JCAD: variants seen among roughly 807,000 people sequenced by gnomAD.
JCAD encodes junctional cadherin 5 associated, also known as junctional cadherin 5-associated protein.
Under a neutral mutation model 98.0 loss-of-function variants are expected in JCAD, and 40 were observed. The ratio of observed to expected loss-of-function variants is 0.41; its 90% confidence interval spans 0.32 to 0.53. JCAD has a LOEUF of 0.53. Ranked by LOEUF, JCAD falls within the 20% of genes least tolerant of loss-of-function variation. The pLI is 0.31. For missense variants in JCAD, 1,705 were observed against 1,738.1 expected, an observed-to-expected ratio of 0.98 and a Z score of 0.34; for synonymous variants, 691 against 682.3, an observed-to-expected ratio of 1.01 and a Z score of -0.20.
At chr10:30,095,527 G>A (rs531825927) in intron 1 of JCAD, among the ~76,000 whole-genome samples, 3 of 152,278 alleles carry the variant, frequency 2.0e-5, no homozygotes, top group Admixed American at 6.5e-5. Context: ...CTCCCCGTTC[G>A]ACCTGCTCTG....
intron 1 of JCAD, among the ~76,000 whole-genome samples, chr10:30,093,507 A>G (rs187673496): frequency 6.6e-6 from 1 of 152,390 alleles, no homozygotes; most frequent in African/African-American, 2.4e-5. Flanking sequence ...GCAGGACTGC[A>G]GAACAAACTG....
intron 1 of JCAD, among the ~76,000 whole-genome samples, chr10:30,051,960 A>G (rs1837480055): frequency 6.6e-6 from 1 of 152,254 alleles, no homozygotes; most frequent in Non-Finnish European, 1.5e-5. Context: ...ACCTAGTCTC[A>G]CAAAATTCTC....
chr10:30,019,987 C>T (rs1040727936), intron 3 of JCAD, among the ~76,000 whole-genome samples: 8 of 137,638 alleles, frequency 5.8e-5, no homozygotes, highest in Non-Finnish European at 1.2e-4. Flanking sequence ...AGGTGATTCA[C>T]TTAAAAAAAA....
chr10:30,022,883 G>A (rs559105065), intron 3 of JCAD, among the ~76,000 whole-genome samples: 45 of 152,312 alleles, frequency 3.0e-4, no homozygotes, highest in Non-Finnish European at 4.4e-4. Context: ...CAGTAGTGTA[G>A]AGGAATTTTC....
intron 1 of JCAD, among the ~76,000 whole-genome samples, chr10:30,111,521 C>A (rs1838702181): frequency 6.6e-6 from 1 of 152,140 alleles, no homozygotes; most frequent in African/African-American, 2.4e-5. Context: ...TAGACAGAAT[C>A]TCTGTCTTCA....
In JCAD at chr10:30,047,843, T is replaced by C; in HGVS notation, c.-31A>G. On this transcript the variant is annotated 5_prime_UTR_variant, in exon 2 of 4. Transcript: ENST00000375377. ...CTGGGCTTCAGCAAAGCTCAACCAC[T>C]GGAACCATGGTGGTGGCAGGACCCA... The C allele has an allele frequency of 6.4e-7, 1 of 1,574,024 alleles. No homozygotes were observed. Among genetic ancestry groups the C allele is most frequent in the Non-Finnish European group, 8.6e-7 (1 of 1,158,970 alleles).
intron 1 of JCAD, among the ~76,000 whole-genome samples, chr10:30,091,610 T>A (rs1564469657): frequency 6.6e-6 from 1 of 152,006 alleles, no homozygotes; most frequent in African/African-American, 2.4e-5. Flanking sequence ...AATAATTTGA[T>A]GCTAGAGAAT....
intron 1 of JCAD, among the ~76,000 whole-genome samples, chr10:30,072,305 T>C (rs1837907340): frequency 1.3e-5 from 2 of 152,258 alleles, no homozygotes; most frequent in Non-Finnish European, 2.9e-5. Flanking sequence ...TGCTCCTCAG[T>C]AATGTGTATT....
In JCAD at chr10:30,059,058, C is replaced by A. The variant is rs1171747815; in HGVS notation, c.-60+424G>T. On this transcript the variant is annotated intron_variant, in intron 1 of 3. Coordinates refer to ENST00000375377, the MANE Select transcript of JCAD (RefSeq NM_020848.4). The surrounding 1 kb of genome is among the most constrained non-coding windows in gnomAD (Gnocchi z 5.0). Reference sequence around the variant, plus strand: ...TCCGCGAGATCTGGGCGCGAGGGCGCGGGAGGGGTTGGTGGACACAGGCTG... The same window carrying A: ...TCCGCGAGATCTGGGCGCGAGGGCGAGGGAGGGGTTGGTGGACACAGGCTG... Among the ~76,000 whole-genome samples, 1 of 151,954 alleles carries A rather than the reference C, an allele frequency of 6.6e-6. No individual in the cohort carries two copies. Among genetic ancestry groups the A allele is most frequent in the East Asian group, 1.9e-4 (1 of 5,140 alleles).
rs574370449 is a variant in JCAD, at chr10:30,114,422, GA to G, written n.128+944del. On this transcript the variant is annotated intron_variant and non_coding_transcript_variant, in intron 1 of 2. Transcript: ENST00000465712. ...TTTGGCTTTATCATCAAGTAGGTAG[GA>G]AATTTTCTTCAAATGCAACTGCAAA... Among the ~76,000 whole-genome samples the G allele has an allele frequency of 7.6e-3, 1,157 of 152,180 alleles. 15 individuals carry two copies. The highest frequency in any genetic ancestry group is 0.051 in the Middle Eastern group (15 of 294).
At chr10:30,100,233 CTTTA>C (rs199742371) in intron 1 of JCAD, among the ~76,000 whole-genome samples, 509 of 152,098 alleles carry the variant, frequency 3.3e-3, no homozygotes, top group African/African-American at 0.011. Flanking sequence ...GGCACTGAAA[CTTTA>C]TTTATAACAT....
Position 30,076,149 on chromosome 10 carries a change from G to A in JCAD, n.129-6328C>T, listed in dbSNP as rs1012021249. Among the ~76,000 whole-genome samples the A allele has an allele frequency of 9.2e-5, 14 of 151,874 alleles. No individual in the cohort carries two copies. The South Asian group carries it at 1.5e-3, about 16-fold the overall frequency. ...AGCGATTCTCCTGCCTCAGCCTCCC[G>A]AGTAGCTGGGATTACAGGTGCCTGC... is the stretch of plus-strand genomic sequence containing the variant. On this transcript the variant is annotated intron_variant and non_coding_transcript_variant, in intron 1 of 2. Transcript: ENST00000465712.
At chr10:30,078,680 G>A (rs17295024) in intron 1 of JCAD, among the ~76,000 whole-genome samples, 2,018 of 151,990 alleles carry the variant, frequency 0.013, 17 homozygotes, top group Admixed American at 0.026. Flanking sequence ...ATGGCAACAG[G>A]TCCCCTTTAC....
Position 30,026,759 on chromosome 10 carries a change from G to A in JCAD, c.3389C>T (p.Ser1130Phe), listed in dbSNP as rs1409457484. The stretch of plus-strand genomic sequence containing the variant: ...GGGGACATCTGCCGGTGCTGGGCGA[G>A]ATAGCAACTCTTCCTGGGGGGACTC... ...TPESPQEELLSRPAPADVPRV... is the reference protein window; with the variant it reads ...TPESPQEELLFRPAPADVPRV... Residue 1130 changes from serine to phenylalanine, a missense_variant, in exon 3 of 4, where the codon TCT becomes TTT. This residue lies in a region of JCAD where 1,278 missense variants were observed against 1,243.1 expected (regional missense o/e 1.03). Transcript: ENST00000375377. 20 of 1,614,180 alleles carry A rather than the reference G, an allele frequency of 1.2e-5. No homozygotes were observed. The South Asian group carries it at 1.4e-4, about 12-fold the overall frequency.
chr10:30,096,552 G>A (rs1205280832), intron 1 of JCAD, among the ~76,000 whole-genome samples: 1 of 151,190 alleles, frequency 6.6e-6, no homozygotes, highest in Non-Finnish European at 1.5e-5. Flanking sequence ...TCTTCGATCT[G>A]TATCTTCTTA....
chr10:30,072,250 A>C (rs1014320505), intron 1 of JCAD, among the ~76,000 whole-genome samples: 4 of 152,116 alleles, frequency 2.6e-5, no homozygotes, highest in African/African-American at 9.7e-5. Context: ...TGAAAGAAAA[A>C]AATTAGAGGC....
chr10:30,091,431 G>T (rs1838261818), intron 1 of JCAD, among the ~76,000 whole-genome samples: 1 of 152,054 alleles, frequency 6.6e-6, no homozygotes, highest in South Asian at 2.1e-4. Context: ...ACTATTCTTT[G>T]TTTTTTATTT....
chr10:30,064,428 T>C (rs1337774154), upstream of JCAD, among the ~76,000 whole-genome samples: 1 of 152,130 alleles, frequency 6.6e-6, no homozygotes, highest in Admixed American at 6.6e-5. Context: ...AGTAAATTTC[T>C]TTTCTCTATA....
At chr10:30,112,795 C>T (rs1838727306) in intron 1 of JCAD, among the ~76,000 whole-genome samples, 2 of 151,222 alleles carry the variant, frequency 1.3e-5, no homozygotes. Flanking sequence ...TTGCTTGAAC[C>T]CGGGAGGCAG....
Sources: gnomAD v4.1 joint callset for allele counts (sites outside exome capture counted in the v4.1 genomes callset) on GRCh38, gnomAD v4.1.1 for gene constraint, gnomAD v4.1.1 regional missense constraint, Gnocchi (gnomAD v3.1) non-coding constraint, MANE v1.5 for transcripts, NCBI Gene and HGNC (gene_info 2026-07-23, HGNC 2026-07-21) for gene names.